Variants in ILDR2 observed in about 807,000 individuals in gnomAD.
ILDR2 encodes immunoglobulin-like domain-containing receptor 2.
In ILDR2, 25 loss-of-function variants were observed where a neutral mutation model predicts 66.8. The ratio of observed to expected loss-of-function variants is 0.37; its 90% CI spans 0.27 to 0.52. The LOEUF (loss-of-function observed/expected upper bound fraction) is 0.52. ILDR2 is among the 20% of genes least tolerant of loss of function. ILDR2 has a pLI of 0.88. For missense variants in ILDR2, 827 were observed against 876.8 expected (o/e 0.94, Z 0.72); for synonymous variants, 367 against 357.2 (o/e 1.03, Z -0.31).
At chr1:166,899,903 T>A (rs974569467) in intron 2 of ILDR2, among the ~76,000 whole-genome samples, 17 of 152,310 alleles carry the variant, frequency 1.1e-4, no homozygotes, top group African/African-American at 3.6e-4. Flanking sequence ...CAAAGGACAA[T>A]GCAAGGATTG....
rs1659743351 is a variant in ILDR2 at position 166,918,921 on chromosome 1, T to C, written c.*434A>G. 3.9e-6 allele frequency: 1 copy of C among 255,780 alleles called. No individual in the cohort carries two copies. The highest frequency in any genetic ancestry group is 2.2e-5 in the African/African-American group (1 of 45,350). The allele number at this position is 255,780 out of a possible 1,614,324, so 15.8% of individuals were successfully genotyped here. A position where few individuals can be genotyped will look rare whatever the true frequency, so the allele number is the denominator to read the frequency against. On this transcript the variant is annotated 3_prime_UTR_variant, in exon 10 of 10. Coordinates refer to ENST00000271417, the MANE Select transcript of ILDR2 (RefSeq NM_199351.3). ...TATCTTCCCTTGTCAGAAGAAGGCC[T>C]TCTAATAGTAGTAATAAATTCTTCT... is the stretch of plus-strand genomic sequence containing the variant.
chr1:166,898,272 G>A (rs898525398), intron 2 of ILDR2, among the ~76,000 whole-genome samples: 2 of 152,168 alleles, frequency 1.3e-5, no homozygotes, highest in African/African-American at 4.8e-5. Context: ...AGACTTAGAA[G>A]TGTTCCACAT....
rs920525963 is a variant in ILDR2 at position 166,919,005 on chromosome 1, G to A, written c.*350C>T. On this transcript the variant is annotated 3_prime_UTR_variant, in exon 10 of 10. Transcript: ENST00000271417. ...CATATTGTAGGCATAGGCAATTTCT[G>A]GAGTTTAGCAGTCCAGAGCTAACTC... The A allele has an allele frequency of 1.5e-5, 6 of 409,918 alleles. No individual in the cohort carries two copies. The highest frequency in any genetic ancestry group is 2.2e-5 in the Non-Finnish European group (5 of 232,558). The allele number at this position is 409,918 out of a possible 1,614,324, so 25.4% of individuals were successfully genotyped here. A position where few individuals can be genotyped will look rare whatever the true frequency, so the allele number is the denominator to read the frequency against.
At chr1:166,943,835 C>T (rs1661459087) in intron 3 of ILDR2, 1 of 985,328 alleles carries the variant, frequency 1.0e-6, no homozygotes, top group Non-Finnish European at 1.2e-6. Flanking sequence ...TTACAAGTCA[C>T]TTTAATGTCT....
At chr1:166,948,306 G>T (rs1234347938) in intron 3 of ILDR2, among the ~76,000 whole-genome samples, 1 of 152,158 alleles carries the variant, frequency 6.6e-6, no homozygotes, top group Non-Finnish European at 1.5e-5. Context: ...CTGTTGTCTT[G>T]CCAGAAATTA....
In ILDR2 at chr1:166,967,323, C is replaced by CTCT. The variant is rs1663018534; in HGVS notation, c.46+7897_46+7899dup. 3.3e-5 allele frequency among the ~76,000 whole-genome samples: 5 copies of CTCT among 152,234 alleles called. No individual in the cohort carries two copies. The South Asian group carries it at 1.0e-3, about 32-fold the overall frequency. On this transcript the variant is annotated intron_variant, in intron 1 of 9. Coordinates refer to ENST00000271417, the MANE Select transcript of ILDR2 (RefSeq NM_199351.3). ...GACTCTTACAGGAGAGAGAAATACA[C>CTCT]TCTTTTGTGTGGGTTACAATATTTT... is the stretch of plus-strand genomic sequence containing the variant.
At chr1:166,900,011 T>C (rs1188016046) in intron 2 of ILDR2, among the ~76,000 whole-genome samples, 1 of 152,180 alleles carries the variant, frequency 6.6e-6, no homozygotes, top group Non-Finnish European at 1.5e-5. Flanking sequence ...CCCACCTAAA[T>C]TGTGCTGAAT....
rs2101833374 is a variant in ILDR2 at position 166,914,869 on chromosome 1, A to G, written c.*4486T>C. 6.6e-6 allele frequency: 1 copy of G among 152,324 alleles called. No individual in the cohort carries two copies. Among genetic ancestry groups the G allele is most frequent in the Admixed American group, 6.5e-5 (1 of 15,310 alleles). The allele number at this position is 152,324 out of a possible 1,614,324, so 9.4% of individuals were successfully genotyped here. A position where few individuals can be genotyped will look rare whatever the true frequency, so the allele number is the denominator to read the frequency against. On this transcript the variant is annotated 3_prime_UTR_variant, in exon 10 of 10. Coordinates refer to ENST00000271417, the MANE Select transcript of ILDR2 (RefSeq NM_199351.3). Reference sequence around the variant, plus strand: ...CCATTAAGATGCTGGCAGCATTTAAATCTGATTTTGGAAGGATATAAAATG... The same window carrying G: ...CCATTAAGATGCTGGCAGCATTTAAGTCTGATTTTGGAAGGATATAAAATG...
chr1:166,915,224 G>T lies in ILDR2; in HGVS notation c.*4131C>A, dbSNP rs949183106. The T allele has an allele frequency of 2.6e-5, 4 of 152,148 alleles. No homozygotes were observed. The highest frequency in any genetic ancestry group is 5.9e-5 in the Non-Finnish European group (4 of 68,068). The allele number at this position is 152,148 out of a possible 1,614,324, so 9.4% of individuals were successfully genotyped here. On this transcript the variant is annotated 3_prime_UTR_variant, in exon 10 of 10. Coordinates refer to ENST00000271417, the MANE Select transcript of ILDR2 (RefSeq NM_199351.3). ...TTCCCACTACCACTAGCGTACTCTG[G>T]TGAGCCCATCCAGGTCACAGCCAGA...
chr1:166,912,084 T>G lies in ILDR2; in HGVS notation c.*7271A>C, dbSNP rs566484023. On this transcript the variant is annotated 3_prime_UTR_variant, in exon 10 of 10. Coordinates refer to ENST00000271417, the MANE Select transcript of ILDR2 (RefSeq NM_199351.3). ...AATCCACACCTGGTCACATGTTAAT[T>G]AAACCAAAGAACACTAGAGACAAAA... 2 of 152,226 alleles carry G rather than the reference T, an allele frequency of 1.3e-5. No individual in the cohort carries two copies. The highest frequency in any genetic ancestry group is 2.9e-5 in the Non-Finnish European group (2 of 67,988). 9.4% of individuals were successfully genotyped at this position (152,226 alleles called of 1,614,324 possible).
chr1:166,970,102 G>A (rs1056971944), intron 1 of ILDR2, among the ~76,000 whole-genome samples: 1 of 152,158 alleles, frequency 6.6e-6, no homozygotes, highest in Non-Finnish European at 1.5e-5. Flanking sequence ...ACAAAAATTT[G>A]GGACTAGAAG....
intron 1 of ILDR2, 73 bp downstream of exon 1, chr1:166,975,149 CG>C: frequency 7.2e-6 from 9 of 1,257,814 alleles, no homozygotes; most frequent in East Asian, 2.4e-5. Context: ...AATGGGGGGG[CG>C]GGGGGCGCGG....
chr1:166,972,367 T>C (rs1228862146), intron 1 of ILDR2, among the ~76,000 whole-genome samples: 1 of 152,196 alleles, frequency 6.6e-6, no homozygotes, highest in Non-Finnish European at 1.5e-5. Context: ...CAGCCTCTGC[T>C]GCCAGGAAAG....
intron 3 of ILDR2, chr1:166,943,754 G>A: frequency 2.2e-6 from 2 of 893,730 alleles, no homozygotes; most frequent in Non-Finnish European, 2.7e-6. Context: ...ATACATTCCA[G>A]ATTTCAGCAG....
At chr1:166,926,328 G>A (rs187903354) in intron 7 of ILDR2, among the ~76,000 whole-genome samples, 2 of 152,100 alleles carry the variant, frequency 1.3e-5, no homozygotes, top group African/African-American at 2.4e-5. Context: ...CCAAGAATCA[G>A]CTGTGTCAGC....
At chr1:166,962,442 G>C (rs1338050169) in intron 1 of ILDR2, among the ~76,000 whole-genome samples, 3 of 152,142 alleles carry the variant, frequency 2.0e-5, no homozygotes, top group Non-Finnish European at 2.9e-5. Flanking sequence ...CCTGAGGGTT[G>C]GGTATTGTTT....
chr1:166,963,371 G>A (rs1018567062), intron 1 of ILDR2, among the ~76,000 whole-genome samples: 13 of 152,148 alleles, frequency 8.5e-5, no homozygotes, highest in African/African-American at 2.9e-4. Context: ...TTTTATAGAC[G>A]AAGAGACTGA....
At chr1:166,931,312 C>T (rs1339870267) in intron 6 of ILDR2, among the ~76,000 whole-genome samples, 1 of 152,150 alleles carries the variant, frequency 6.6e-6, no homozygotes, top group Non-Finnish European at 1.5e-5. Context: ...CCTTGTTCTT[C>T]CTGTCCTATC....
In ILDR2 at chr1:166,975,334, G is replaced by C; in HGVS notation, c.-66C>G. 2.1e-6 allele frequency: 3 copies of C among 1,442,064 alleles called. No individual in the cohort carries two copies. The highest frequency in any genetic ancestry group is 2.8e-6 in the Non-Finnish European group (3 of 1,053,134). 89.3% of individuals were successfully genotyped at this position (1,442,064 alleles called of 1,614,324 possible). On this transcript the variant is annotated 5_prime_UTR_variant, in exon 1 of 10. Coordinates refer to ENST00000271417, the MANE Select transcript of ILDR2 (RefSeq NM_199351.3). Reference sequence around the variant, plus strand: ...GGGAAATGGCTGGAACAGAAGGATCGCTGTCACCCCGCGGCAGCGGGCGGC... The same window carrying C: ...GGGAAATGGCTGGAACAGAAGGATCCCTGTCACCCCGCGGCAGCGGGCGGC...
Sources: allele counts gnomAD v4.1 joint callset (sites outside exome capture counted in the v4.1 genomes callset), GRCh38; gene constraint gnomAD v4.1.1; transcripts MANE v1.5; gene names NCBI Gene and HGNC (gene_info 2026-07-23, HGNC 2026-07-21).